GRAMD2B: variants seen among roughly 807,000 people sequenced by gnomAD.
GRAMD2B encodes GRAM domain containing 2B, also known as GRAM domain-containing protein 2B.
Under a neutral mutation model 59.2 loss-of-function variants are expected in GRAMD2B, and 41 were observed. That is an observed-to-expected ratio of 0.69 (90% CI 0.54 to 0.90). GRAMD2B has a LOEUF of 0.90. Ranked by LOEUF, GRAMD2B falls within the 40% of genes least tolerant of loss-of-function variation. The pLI, the probability that GRAMD2B is intolerant of heterozygous loss-of-function variation, is 0.00. For synonymous variants in GRAMD2B, 161 were observed against 182.7 expected (o/e 0.88, Z 0.96); for missense variants, 424 against 500.5 (o/e 0.85, Z 1.46).
At position 126,466,185 on chromosome 5, in the gene GRAMD2B, T is replaced by C. The variant is rs773172170; in HGVS notation, c.203+640T>C. 1.1e-4 allele frequency: 164 copies of C among 1,501,398 alleles called. 1 individual carries two copies. Among genetic ancestry groups the C allele is most frequent in the Non-Finnish European group, 1.3e-4 (144 of 1,124,220 alleles). The allele number at this position is 1,501,398 out of a possible 1,614,324, so 93.0% of individuals were successfully genotyped here. A position where few individuals can be genotyped will look rare whatever the true frequency, so the allele number is the denominator to read the frequency against. On this transcript the variant is annotated intron_variant, in intron 2 of 13. Transcript: ENST00000285689. ...TATCTAAACTGAGTACAGAAATCAT[T>C]GTGGTCCTTCACCATTATTAGAACT...
intron 1 of GRAMD2B, among the ~76,000 whole-genome samples, chr5:126,411,321 GGCTA>G (rs1237721056): frequency 6.6e-6 from 1 of 152,024 alleles, no homozygotes; most frequent in African/African-American, 2.4e-5. Context: ...TTCTGCATAT[GGCTA>G]GCTAGCTATC....
chr5:126,422,384 A>T (rs573871699), upstream of GRAMD2B, among the ~76,000 whole-genome samples: 13 of 152,168 alleles, frequency 8.5e-5, no homozygotes, highest in East Asian at 2.3e-3. Context: ...TTTTTAGTAG[A>T]GATGGGGTTT....
upstream of GRAMD2B, among the ~76,000 whole-genome samples, chr5:126,370,832 C>T (rs927441616): frequency 1.3e-5 from 2 of 152,188 alleles, no homozygotes; most frequent in Non-Finnish European, 2.9e-5. Flanking sequence ...GCAAAATATG[C>T]AACCTGAATA....
At chr5:126,472,178 A>C in intron 3 of GRAMD2B, 60 bp from the exon 4 acceptor site, 1 of 1,344,208 alleles carries the variant, frequency 7.4e-7, no homozygotes. Flanking sequence ...TTGAAGTTGA[A>C]TTTGTGATGT....
At chr5:126,485,885 C>G in intron 11 of GRAMD2B, 112 bp downstream of exon 11, 1 of 642,448 alleles carries the variant, frequency 1.6e-6, no homozygotes, top group South Asian at 2.3e-5. Context: ...TGAAATGTGA[C>G]CTACATCTTT....
chr5:126,459,066 TA>T (rs564119478), intron 1 of GRAMD2B: 70 of 152,356 alleles, frequency 4.6e-4, no homozygotes, highest in Admixed American at 8.5e-4. Flanking sequence ...ATATTCATTT[TA>T]AAGACCTTAG....
intron 13 of GRAMD2B, among the ~76,000 whole-genome samples, chr5:126,491,733 CTTCT>C (rs1386932019): frequency 6.6e-6 from 1 of 150,626 alleles, no homozygotes; most frequent in Non-Finnish European, 1.5e-5. Flanking sequence ...TTTTTTTTTC[CTTCT>C]TTGTTTTTTT....
intron 1 of GRAMD2B, among the ~76,000 whole-genome samples, chr5:126,397,083 T>C (rs1757420888): frequency 6.6e-6 from 1 of 152,222 alleles, no homozygotes; most frequent in African/African-American, 2.4e-5. Flanking sequence ...ATATTAGACC[T>C]TTGTCAGATG....
intron 1 of GRAMD2B, among the ~76,000 whole-genome samples, chr5:126,362,071 T>C (rs1438742610): frequency 3.3e-5 from 5 of 152,216 alleles, no homozygotes; most frequent in African/African-American, 1.2e-4. Context: ...GTCTCCTCCT[T>C]TGTTTTTTAT....
chr5:126,433,145 T>G (rs968533008), intron 1 of GRAMD2B, among the ~76,000 whole-genome samples: 2 of 152,202 alleles, frequency 1.3e-5, no homozygotes, highest in Non-Finnish European at 2.9e-5. Context: ...CTCCAGAAAA[T>G]ATATCAAAGC....
chr5:126,404,943 T>C (rs1758143368), intron 1 of GRAMD2B, among the ~76,000 whole-genome samples: 1 of 151,930 alleles, frequency 6.6e-6, no homozygotes, highest in Non-Finnish European at 1.5e-5. Flanking sequence ...ATTTTAATTA[T>C]CACAACCACT....
At chr5:126,423,339 G>A (rs994747695), upstream of GRAMD2B, 4 of 1,308,962 alleles carry the variant, frequency 3.1e-6, no homozygotes, top group African/African-American at 4.7e-5. Flanking sequence ...CTGGGTTGGG[G>A]AAAGAGGCTG....
chr5:126,421,924 ATAGT>A (rs1247460628), upstream of GRAMD2B, among the ~76,000 whole-genome samples: 9 of 152,296 alleles, frequency 5.9e-5, no homozygotes, highest in East Asian at 1.7e-3. Flanking sequence ...GCCCCAGAAC[ATAGT>A]TAGTCGTTTT....
chr5:126,391,911 T>C (rs1171253294), intron 1 of GRAMD2B, among the ~76,000 whole-genome samples: 1 of 152,224 alleles, frequency 6.6e-6, no homozygotes, highest in Non-Finnish European at 1.5e-5. Flanking sequence ...TAGTGAATTA[T>C]ATCTCAATAA....
chr5:126,469,845 G>C, intron 3 of GRAMD2B, 57 bp downstream of exon 3: 1 of 1,266,512 alleles, frequency 7.9e-7, no homozygotes, highest in Non-Finnish European at 1.1e-6. Flanking sequence ...ACTGAAGCCA[G>C]TGACAAGAAG....
intron 1 of GRAMD2B, among the ~76,000 whole-genome samples, chr5:126,382,940 G>A (rs1755788883): frequency 6.6e-6 from 1 of 152,190 alleles, no homozygotes; most frequent in South Asian, 2.1e-4. Flanking sequence ...CTGAGAGCCA[G>A]ACTGCAGTGA....
chr5:126,372,310 T>G lies in GRAMD2B; in HGVS notation c.125+743T>G, dbSNP rs557866482. Among the ~76,000 whole-genome samples the G allele has an allele frequency of 4.4e-3, 672 of 152,206 alleles. 2 individuals carry two copies. Among genetic ancestry groups the G allele is most frequent in the Non-Finnish European group, 7.5e-3 (511 of 68,012 alleles). On this transcript the variant is annotated intron_variant, in intron 1 of 8. Transcript: ENST00000506445. ...TTTCATCCAACTTTCATGTAAACTTTAACGTAGCATTCATGTAAACTTCTC... is the reference window on the plus strand; with the variant it reads ...TTTCATCCAACTTTCATGTAAACTTGAACGTAGCATTCATGTAAACTTCTC...
At chr5:126,416,773 T>C (rs946084741) in intron 1 of GRAMD2B, among the ~76,000 whole-genome samples, 2 of 152,194 alleles carry the variant, frequency 1.3e-5, no homozygotes, top group Non-Finnish European at 2.9e-5. Flanking sequence ...CAACCAGATC[T>C]TCACATTGCT....
chr5:126,435,643 T>G (rs1256753011), intron 1 of GRAMD2B, among the ~76,000 whole-genome samples: 1 of 152,228 alleles, frequency 6.6e-6, no homozygotes, highest in Non-Finnish European at 1.5e-5. Flanking sequence ...GAGGGCTGAA[T>G]GACCTGATTT....
Sources: allele counts gnomAD v4.1 joint callset (sites outside exome capture counted in the v4.1 genomes callset), GRCh38; gene constraint gnomAD v4.1.1; transcripts MANE v1.5; gene names NCBI Gene and HGNC (gene_info 2026-07-23, HGNC 2026-07-21).